PTPN13: variants seen among roughly 807,000 people sequenced by gnomAD.
The protein encoded by PTPN13 is protein tyrosine phosphatase non-receptor type 13.
A neutral mutation model predicts 284.0 loss-of-function variants in PTPN13; 191 were observed. The observed-to-expected ratio is 0.67, with a 90% CI of 0.60 to 0.76. The LOEUF is 0.76. PTPN13 is among the 30% of genes least tolerant of loss of function. PTPN13 has a pLI of 0.00. For missense variants in PTPN13, 2,797 were observed against 2,939.9 expected (o/e 0.95, Z 1.12); for synonymous variants, 986 against 1,022.3 (o/e 0.96, Z 0.68).
At chr4:86,762,611 T>C in intron 23 of PTPN13, 116 bp from the exon 24 acceptor site, 1 of 781,802 alleles carries the variant, frequency 1.3e-6, no homozygotes, top group Non-Finnish European at 2.1e-6. Flanking sequence ...GACCTAATGG[T>C]GTTTTGTGTG....
rs180890659 is a variant in PTPN13 at position 86,613,612 on chromosome 4, C to T, written c.-6+18823C>T. 7.0e-5 allele frequency among the ~76,000 whole-genome samples: 9 copies of T among 129,184 alleles called. No homozygotes were observed. In the Admixed American group the frequency reaches 8.0e-4, roughly 11 times the overall value. 84.7% of individuals were successfully genotyped at this position (129,184 alleles called of 152,430 possible). A position where few individuals can be genotyped will look rare whatever the true frequency, so the allele number is the denominator to read the frequency against. ...TTGTGCCACTGCACTCCAGCCTGGGCGACAAGGTGAGACTCCGTCTCAAAA... is the reference window on the plus strand; with the variant it reads ...TTGTGCCACTGCACTCCAGCCTGGGTGACAAGGTGAGACTCCGTCTCAAAA... On this transcript the variant is annotated intron_variant, in intron 1 of 47. Coordinates refer to ENST00000411767, the MANE Select transcript of PTPN13 (RefSeq NM_080683.3).
intron 2 of PTPN13, among the ~76,000 whole-genome samples, chr4:86,646,822 C>A (rs1040828880): frequency 6.6e-6 from 1 of 152,120 alleles, no homozygotes; most frequent in African/African-American, 2.4e-5. Context: ...AAATGTCTGT[C>A]AACAAGTGAA....
chr4:86,745,602 C>G (rs1736655142), intron 17 of PTPN13, among the ~76,000 whole-genome samples: 1 of 152,072 alleles, frequency 6.6e-6, no homozygotes, highest in South Asian at 2.1e-4. Context: ...TGGTGAAACC[C>G]TGTCTCTACT....
intron 1 of PTPN13, among the ~76,000 whole-genome samples, chr4:86,611,551 T>C (rs985198453): frequency 6.6e-6 from 1 of 152,188 alleles, no homozygotes; most frequent in Non-Finnish European, 1.5e-5. Context: ...GGACAAAATA[T>C]GTGAAACAAC....
At chr4:86,702,454 A>G (rs1731269323) in intron 7 of PTPN13, among the ~76,000 whole-genome samples, 1 of 152,220 alleles carries the variant, frequency 6.6e-6, no homozygotes. Context: ...TCCAAGTCTA[A>G]ATTACTCCAT....
At chr4:86,762,397 A>G (rs1486907681) in intron 23 of PTPN13, among the ~76,000 whole-genome samples, 1 of 151,948 alleles carries the variant, frequency 6.6e-6, no homozygotes, top group Non-Finnish European at 1.5e-5. Flanking sequence ...TGTGCAAATA[A>G]CTATTTAATA....
chr4:86,790,154 A>C (rs1742453452), intron 40 of PTPN13, among the ~76,000 whole-genome samples: 1 of 152,218 alleles, frequency 6.6e-6, no homozygotes, highest in Admixed American at 6.5e-5. Flanking sequence ...AATCCAGACT[A>C]AAATGAGCAG....
Position 86,732,747 on chromosome 4 carries a change from T to G in PTPN13, c.1839T>G (p.Phe613Leu). Residue 613 changes from phenylalanine to leucine, a missense_variant, in exon 12 of 48, where the codon TTT (phenylalanine) becomes TTG (leucine). Physicochemically the swap from Phe to Leu is conservative, Grantham distance 22. Transcript: ENST00000411767. ...AHIGLVEHHL[F>L]ALATLKDNEY... is the part of the protein sequence containing the mutation. ...TTGGCTTAGTAGAGCATCATTTGTTTGCTTTAGCTACCCTCAAAGGTACCA... is the reference window on the plus strand; with the variant it reads ...TTGGCTTAGTAGAGCATCATTTGTTGGCTTTAGCTACCCTCAAAGGTACCA... 1 of 1,613,056 alleles carries G rather than the reference T, an allele frequency of 6.2e-7. No individual in the cohort carries two copies. The highest frequency in any genetic ancestry group is 2.2e-5 in the East Asian group (1 of 44,796).
At position 86,763,559 on chromosome 4, in the gene PTPN13, T is replaced by A. The variant is rs550175283; in HGVS notation, c.4017+369T>A. Among the ~76,000 whole-genome samples the A allele has an allele frequency of 5.9e-5, 9 of 152,328 alleles. No individual in the cohort carries two copies. In the South Asian group the frequency reaches 1.9e-3, roughly 32 times the overall value. ...GTATAATGGGCATTTGAATTCACTATTTATAGTCTAAATTCTTCTGAAGTT... is the reference window on the plus strand; with the variant it reads ...GTATAATGGGCATTTGAATTCACTAATTATAGTCTAAATTCTTCTGAAGTT... On this transcript the variant is annotated intron_variant, in intron 24 of 47. Transcript: ENST00000411767.
At chr4:86,622,683 C>T (rs1340847735) in intron 1 of PTPN13, among the ~76,000 whole-genome samples, 3 of 152,118 alleles carry the variant, frequency 2.0e-5, no homozygotes, top group Admixed American at 6.6e-5. Flanking sequence ...TGGGGCAAAG[C>T]CACTTAGTCT....
chr4:86,597,143 G>A (rs1763887260), intron 1 of PTPN13, among the ~76,000 whole-genome samples: 1 of 150,576 alleles, frequency 6.6e-6, no homozygotes, highest in Non-Finnish European at 1.5e-5. Context: ...TGGAAATGAC[G>A]AGAATCTTTT....
chr4:86,607,606 C>G lies in PTPN13; in HGVS notation c.-6+12817C>G, dbSNP rs1941804414. ...ACTTGAATCCAAGCCTGTCCTACTC[C>G]AGTCAGCTATCATAACTGTAACTTC... On this transcript the variant is annotated intron_variant, in intron 1 of 47. Coordinates refer to ENST00000411767, the MANE Select transcript of PTPN13 (RefSeq NM_080683.3). Among the ~76,000 whole-genome samples, 4 of 151,958 alleles carry G rather than the reference C, an allele frequency of 2.6e-5. No homozygotes were observed. The South Asian group carries it at 8.3e-4, about 32-fold the overall frequency.
rs995624384 is a variant in PTPN13 at position 86,635,496 on chromosome 4, G to T, written c.115+125G>T. On this transcript the variant is annotated intron_variant, in intron 2 of 47. Coordinates refer to ENST00000411767, the MANE Select transcript of PTPN13 (RefSeq NM_080683.3). ...CTGTGCCTTTGGCAGAGTATGAAAGGAATACTTTCCTTATCTCTTTTAGGG... is the reference window on the plus strand; with the variant it reads ...CTGTGCCTTTGGCAGAGTATGAAAGTAATACTTTCCTTATCTCTTTTAGGG... The T allele has an allele frequency of 1.3e-4, 182 of 1,380,338 alleles. 2 individuals are homozygous for T. The highest frequency in any genetic ancestry group is 1.7e-4 in the Non-Finnish European group (174 of 1,041,250). 85.5% of individuals were successfully genotyped at this position (1,380,338 alleles called of 1,614,324 possible).
chr4:86,761,247 C>T (rs1166050489), intron 23 of PTPN13, among the ~76,000 whole-genome samples: 1 of 149,942 alleles, frequency 6.7e-6, no homozygotes, highest in Non-Finnish European at 1.5e-5. Context: ...GCTTACTCAA[C>T]ATATTCTGTT....
chr4:86,624,925 A>G (rs1301886604), intron 1 of PTPN13, among the ~76,000 whole-genome samples: 1 of 152,174 alleles, frequency 6.6e-6, no homozygotes, highest in Non-Finnish European at 1.5e-5. Flanking sequence ...ATACACAGTG[A>G]AAGCCATTCT....
At chr4:86,683,009 A>G (rs778107797) in intron 3 of PTPN13, among the ~76,000 whole-genome samples, 1 of 152,194 alleles carries the variant, frequency 6.6e-6, no homozygotes, top group Non-Finnish European at 1.5e-5. Context: ...AAATATTACT[A>G]AAAGTGTGGA....
chr4:86,690,721 T>C (rs1405514671), intron 5 of PTPN13, among the ~76,000 whole-genome samples: 1 of 151,902 alleles, frequency 6.6e-6, no homozygotes, highest in East Asian at 1.9e-4. Flanking sequence ...AGAGATATTT[T>C]TTTCTGTCTT....
In PTPN13 at chr4:86,814,572, G is replaced by A. The variant is rs1745596629; in HGVS notation, c.*21G>A. The A allele has an allele frequency of 6.4e-7, 1 of 1,572,470 alleles. No individual in the cohort carries two copies. The highest frequency in any genetic ancestry group is 8.7e-7 in the Non-Finnish European group (1 of 1,143,274). ...AGTGACATGAAAAGAGCCTCTGGAT[G>A]CATTTCCATTTCTCTCCTTAACCTC... On this transcript the variant is annotated 3_prime_UTR_variant, in exon 48 of 48. Coordinates refer to ENST00000411767, the MANE Select transcript of PTPN13 (RefSeq NM_080683.3).
chr4:86,606,945 C>T (rs1347127367), intron 1 of PTPN13, among the ~76,000 whole-genome samples: 1 of 151,724 alleles, frequency 6.6e-6, no homozygotes, highest in Non-Finnish European at 1.5e-5. Flanking sequence ...CCACATAGTT[C>T]TAAGAAAAAT....
Sources: allele counts gnomAD v4.1 joint callset (sites outside exome capture counted in the v4.1 genomes callset), GRCh38; gene constraint gnomAD v4.1.1; transcripts MANE v1.5; gene names NCBI Gene and HGNC (gene_info 2026-07-23, HGNC 2026-07-21).